Variants in SNAP25 observed in about 807,000 individuals in gnomAD.
SNAP25 encodes synaptosome associated protein 25.
A neutral mutation model predicts 28.7 loss-of-function variants in SNAP25; 3 were observed. The ratio of observed to expected loss-of-function variants is 0.10; its 90% CI spans 0.05 to 0.27. The LOEUF (loss-of-function observed/expected upper bound fraction) is 0.27, where lower values mean the gene tolerates loss of function less well. SNAP25 is among the 10% of genes least tolerant of loss of function. SNAP25 has a pLI of 1.00. For synonymous variants in SNAP25, 61 were observed against 88.1 expected (o/e 0.69, Z 1.72); for missense variants, 117 against 278.7 (o/e 0.42, Z 4.13).
intron 1 of SNAP25, among the ~76,000 whole-genome samples, chr20:10,224,881 C>G (rs868589721): frequency 6.6e-6 from 1 of 151,868 alleles, no homozygotes; most frequent in Non-Finnish European, 1.5e-5. Flanking sequence ...TTGATCATCT[C>G]GTGTGTCTGA....
intron 1 of SNAP25, among the ~76,000 whole-genome samples, chr20:10,259,634 G>A (rs1045600849): frequency 1.3e-5 from 2 of 152,004 alleles, no homozygotes; most frequent in African/African-American, 4.8e-5. Context: ...TAACTCCTGG[G>A]CTTAAGCCAT....
At chr20:10,264,365 G>A (rs1161584269) in intron 1 of SNAP25, among the ~76,000 whole-genome samples, 1 of 152,136 alleles carries the variant, frequency 6.6e-6, no homozygotes, top group Non-Finnish European at 1.5e-5. Flanking sequence ...GAATGTTCTG[G>A]GAAATAGATT....
intron 1 of SNAP25, among the ~76,000 whole-genome samples, chr20:10,258,855 AC>A (rs2063364130): frequency 2.0e-5 from 3 of 152,134 alleles, no homozygotes; most frequent in Admixed American, 6.6e-5. Flanking sequence ...TTGGCCAGGG[AC>A]CTTTTTCTAT....
chr20:10,258,156 G>A (rs892744401), intron 1 of SNAP25, among the ~76,000 whole-genome samples: 5 of 152,098 alleles, frequency 3.3e-5, no homozygotes, highest in African/African-American at 1.2e-4. Flanking sequence ...TAGAGATCTC[G>A]TGTCATGGAA....
chr20:10,275,391 A>C, intron 1 of SNAP25, 38 bp from the exon 2 acceptor site: 1 of 1,046,164 alleles, frequency 9.6e-7, no homozygotes. Flanking sequence ...ACATGAACAT[A>C]TATAAGCTCT....
intron 1 of SNAP25, among the ~76,000 whole-genome samples, chr20:10,251,729 G>T (rs2063232420): frequency 1.3e-5 from 2 of 152,112 alleles, no homozygotes; most frequent in South Asian, 4.1e-4. Context: ...TTATTCATGA[G>T]ATCTTCTGTT....
chr20:10,293,599 C>T lies in SNAP25; in HGVS notation c.281+321C>T, dbSNP rs1253488489. 3.3e-5 allele frequency among the ~76,000 whole-genome samples: 5 copies of T among 152,196 alleles called. No individual in the cohort carries two copies. The highest frequency in any genetic ancestry group is 1.5e-5 in the Non-Finnish European group (1 of 68,044). ...GGCACCCAGGGAACTTCCTTTTCCC[C>T]AACCCCAAGAGTCAAAATTACAGAT... On this transcript the variant is annotated intron_variant, in intron 5 of 7. Coordinates refer to ENST00000254976, the MANE Select transcript of SNAP25 (RefSeq NM_130811.4). This position sits in a 1 kb window ranked among gnomAD's most constrained non-coding sequence, Gnocchi z 5.6.
intron 1 of SNAP25, among the ~76,000 whole-genome samples, chr20:10,272,502 A>G (rs568584508): frequency 5.3e-4 from 81 of 152,306 alleles, no homozygotes; most frequent in African/African-American, 1.9e-3. Context: ...TGGGAATACT[A>G]AAATTTCATT....
intron 1 of SNAP25, among the ~76,000 whole-genome samples, chr20:10,220,393 A>T (rs944163417): frequency 1.3e-5 from 2 of 152,206 alleles, no homozygotes; most frequent in African/African-American, 4.8e-5. Flanking sequence ...TCGCAGGCTG[A>T]TAGCTTTAGA....
chr20:10,225,912 C>A (rs986892628), intron 1 of SNAP25, among the ~76,000 whole-genome samples: 3 of 151,756 alleles, frequency 2.0e-5, no homozygotes, highest in African/African-American at 7.2e-5. Flanking sequence ...CTCTTAGGTG[C>A]CCCCCTGAGG....
At chr20:10,292,898 C>A (rs773131746) in intron 4 of SNAP25, 1 of 1,605,968 alleles carries the variant, frequency 6.2e-7, no homozygotes, top group Non-Finnish European at 8.5e-7. Context: ...TCGATCGTGT[C>A]GAAGAAGGCA....
At chr20:10,287,795 GTGGCACATATACACCA>G (rs2063912799) in intron 4 of SNAP25, among the ~76,000 whole-genome samples, 1 of 151,584 alleles carries the variant, frequency 6.6e-6, no homozygotes, top group Non-Finnish European at 1.5e-5. Flanking sequence ...TTAAGAAAAT[GTGGCACATATACACCA>G]TGGAATACTA....
At chr20:10,226,233 A>T (rs1216491284) in intron 1 of SNAP25, among the ~76,000 whole-genome samples, 1 of 152,170 alleles carries the variant, frequency 6.6e-6, no homozygotes. Flanking sequence ...TGCCAGAAAG[A>T]CTGCTAGGAA....
At chr20:10,252,072 C>T (rs910543712) in intron 1 of SNAP25, among the ~76,000 whole-genome samples, 3 of 152,172 alleles carry the variant, frequency 2.0e-5, no homozygotes, top group Non-Finnish European at 4.4e-5. Flanking sequence ...GTTAACAGGC[C>T]CTATGTGCCC....
At chr20:10,245,975 G>A (rs1329751669) in intron 1 of SNAP25, among the ~76,000 whole-genome samples, 1 of 152,162 alleles carries the variant, frequency 6.6e-6, no homozygotes, top group East Asian at 1.9e-4. Context: ...CTTTACCGAA[G>A]TCTGAGACTT....
intron 4 of SNAP25, among the ~76,000 whole-genome samples, chr20:10,288,848 A>G (rs552074151): frequency 6.6e-6 from 1 of 151,830 alleles, no homozygotes; most frequent in East Asian, 1.9e-4. Flanking sequence ...ATTAGGCAGT[A>G]GAGACACAGA....
rs1273723755 is a variant in SNAP25 at position 10,275,543 on chromosome 20, G to T, written c.52G>T (p.Ala18Ser). Residue 18 changes from alanine (A) to serine (S), a missense_variant, in exon 2 of 8, where the codon GCT becomes TCT. Physicochemically the swap from Ala to Ser is moderately conservative, Grantham distance 99 (BLOSUM62 1). Coordinates refer to ENST00000254976, the MANE Select transcript of SNAP25 (RefSeq NM_130811.4). ...TGAGCTGGAGGAGATGCAGCGAAGG[G>T]CTGACCAGTTGGCTGATGAGGTAAG... Reference protein sequence around the residue: ...RNELEEMQRRADQLADESLES... With the variant: ...RNELEEMQRRSDQLADESLES... 6.2e-7 allele frequency: 1 copy of T among 1,601,528 alleles called. No homozygotes were observed. Among genetic ancestry groups the T allele is most frequent in the Non-Finnish European group, 8.5e-7 (1 of 1,173,126 alleles).
intron 1 of SNAP25, among the ~76,000 whole-genome samples, chr20:10,250,345 C>T (rs1053926081): frequency 2.0e-5 from 3 of 152,146 alleles, no homozygotes; most frequent in Admixed American, 6.5e-5. Flanking sequence ...TTCATGATTT[C>T]CTGTTCAGGA....
At chr20:10,280,365 T>A (rs958308206) in intron 3 of SNAP25, among the ~76,000 whole-genome samples, 2 of 152,224 alleles carry the variant, frequency 1.3e-5, no homozygotes, top group Admixed American at 1.3e-4. Flanking sequence ...TTAGAAATCA[T>A]GTAGCACTTG....
Sources: allele counts gnomAD v4.1 joint callset (sites outside exome capture counted in the v4.1 genomes callset), GRCh38; gene constraint gnomAD v4.1.1; non-coding constraint Gnocchi (gnomAD v3.1); transcripts MANE v1.5; gene names NCBI Gene and HGNC (gene_info 2026-07-23, HGNC 2026-07-21).